The following NCALD variants were observed in gnomAD, a reference collection of about 807,000 sequenced individuals.
The protein encoded by NCALD is neurocalcin-delta.
NCALD carries 10 observed loss-of-function variants against 18.6 expected under a neutral mutation model. That is an observed-to-expected ratio of 0.54 (90% CI 0.33 to 0.91). The LOEUF (loss-of-function observed/expected upper bound fraction) is 0.91, where lower values mean the gene tolerates loss of function less well. Among genes scored for constraint, NCALD ranks in the 40% least tolerant of loss-of-function variants. The probability of loss-of-function intolerance (pLI) is 0.03; values close to 1 mark genes in which losing one functional copy is unlikely to be tolerated. For missense variants in NCALD, 184 were observed against 247.6 expected (o/e 0.74, Z 1.72); for synonymous variants, 88 against 87.4 (o/e 1.01, Z -0.04).
intron 4 of NCALD, among the ~76,000 whole-genome samples, chr8:101,851,663 C>T (rs1362597934): frequency 6.6e-6 from 1 of 152,138 alleles, no homozygotes; most frequent in African/African-American, 2.4e-5. Flanking sequence ...AGACTGCAAA[C>T]ACCCATTAGT....
chr8:102,104,585 G>A (rs112962723), intron 1 of NCALD, among the ~76,000 whole-genome samples: 269 of 152,268 alleles, frequency 1.8e-3, no homozygotes, highest in Non-Finnish European at 3.1e-3. Flanking sequence ...GAATCAGCCT[G>A]TGGTCCAGTC....
At chr8:101,801,691 G>A (rs529793724) in intron 4 of NCALD, among the ~76,000 whole-genome samples, 1 of 85,860 alleles carries the variant, frequency 1.2e-5, no homozygotes, top group Admixed American at 2.0e-4. Context: ...TTTTGAGACG[G>A]AATCTCCCTC....
At chr8:101,813,843 C>A (rs997209355) in intron 4 of NCALD, among the ~76,000 whole-genome samples, 3 of 152,102 alleles carry the variant, frequency 2.0e-5, no homozygotes, top group African/African-American at 7.2e-5. Flanking sequence ...TGTCCATATA[C>A]ATAAAAGACC....
chr8:102,097,481 C>T (rs1156866700), intron 1 of NCALD, among the ~76,000 whole-genome samples: 1 of 152,182 alleles, frequency 6.6e-6, no homozygotes, highest in Non-Finnish European at 1.5e-5. Context: ...TGCTGTGTGG[C>T]TTGCTCTGTG....
intron 4 of NCALD, among the ~76,000 whole-genome samples, chr8:101,821,572 T>A (rs993446942): frequency 3.3e-5 from 5 of 152,156 alleles, no homozygotes; most frequent in African/African-American, 1.2e-4. Flanking sequence ...TACACATTTG[T>A]TGAGCCTCTC....
chr8:101,779,390 C>T (rs1275203996), intron 1 of NCALD, among the ~76,000 whole-genome samples: 1 of 152,020 alleles, frequency 6.6e-6, no homozygotes, highest in East Asian at 1.9e-4. Flanking sequence ...CTATGACATG[C>T]CACATATGTA....
intron 4 of NCALD, among the ~76,000 whole-genome samples, chr8:101,839,187 T>G (rs1397398515): frequency 6.6e-6 from 1 of 152,154 alleles, no homozygotes; most frequent in Non-Finnish European, 1.5e-5. Flanking sequence ...ACCACTGGAA[T>G]TCCACACCCG....
At chr8:102,043,494 G>A (rs947317804) in intron 1 of NCALD, among the ~76,000 whole-genome samples, 1 of 151,700 alleles carries the variant, frequency 6.6e-6, no homozygotes, top group Admixed American at 6.6e-5. Flanking sequence ...GCAAAATGCT[G>A]TAACATAAAG....
chr8:101,840,834 C>T (rs948725543), intron 4 of NCALD, among the ~76,000 whole-genome samples: 2 of 152,144 alleles, frequency 1.3e-5, no homozygotes, highest in African/African-American at 4.8e-5. Context: ...TATGGCAAAA[C>T]ATCAAGATAA....
intron 1 of NCALD, among the ~76,000 whole-genome samples, chr8:102,031,378 G>GGCA (rs1822664722): frequency 6.6e-6 from 1 of 152,174 alleles, no homozygotes; most frequent in Non-Finnish European, 1.5e-5. Context: ...TGCATAGCTG[G>GGCA]GCAACTGATA....
At chr8:102,052,303 G>A (rs569381005) in intron 1 of NCALD, among the ~76,000 whole-genome samples, 9 of 152,260 alleles carry the variant, frequency 5.9e-5, no homozygotes, top group African/African-American at 2.2e-4. Context: ...GAAATCCAAA[G>A]GAAAAACCCT....
intron 1 of NCALD, among the ~76,000 whole-genome samples, chr8:102,048,526 A>T (rs1823325326): frequency 6.6e-6 from 1 of 152,180 alleles, no homozygotes; most frequent in Admixed American, 6.5e-5. Context: ...AGAGTAAATA[A>T]CACAAGAGGC....
intron 2 of NCALD, among the ~76,000 whole-genome samples, chr8:102,000,936 C>T (rs1821433112): frequency 6.6e-6 from 1 of 152,182 alleles, no homozygotes; most frequent in Non-Finnish European, 1.5e-5. Context: ...AGAAACAGAG[C>T]AGAAAAACTG....
rs188827162 is a variant in NCALD at position 102,001,708 on chromosome 8, T to C, written c.-157+18529A>G. 4.3e-3 allele frequency among the ~76,000 whole-genome samples: 655 copies of C among 152,010 alleles called. 3 individuals carry two copies. Among genetic ancestry groups the C allele is most frequent in the African/African-American group, 0.015 (619 of 41,476 alleles). On this transcript the variant is annotated intron_variant, in intron 2 of 6. Coordinates refer to the NCALD transcript ENST00000311028. ...AGAAACTCTACAAGCCAGAAGAGAGTGGGGGTCAATATTCGACATTCTTAA... is the reference window on the plus strand; with the variant it reads ...AGAAACTCTACAAGCCAGAAGAGAGCGGGGGTCAATATTCGACATTCTTAA...
chr8:101,982,668 G>A (rs1057207166), intron 2 of NCALD, among the ~76,000 whole-genome samples: 8 of 151,908 alleles, frequency 5.3e-5, no homozygotes, highest in African/African-American at 1.5e-4. Flanking sequence ...GTGAAACTCC[G>A]TCTCCACCAA....
At chr8:101,987,219 CCTTT>C (rs1188493303) in intron 2 of NCALD, among the ~76,000 whole-genome samples, 1 of 152,188 alleles carries the variant, frequency 6.6e-6, no homozygotes, top group Non-Finnish European at 1.5e-5. Flanking sequence ...GCGACTATTG[CCTTT>C]TCTCAACATG....
chr8:101,951,870 C>A (rs1191888558), intron 2 of NCALD, among the ~76,000 whole-genome samples: 1 of 152,138 alleles, frequency 6.6e-6, no homozygotes, highest in Non-Finnish European at 1.5e-5. Flanking sequence ...GACCAAGTGG[C>A]CAGCACCCTC....
intron 4 of NCALD, among the ~76,000 whole-genome samples, chr8:101,802,490 G>A (rs1812906768): frequency 6.6e-6 from 1 of 151,980 alleles, no homozygotes; most frequent in Non-Finnish European, 1.5e-5. Context: ...TGAAAACTAA[G>A]CCTCTTGTGC....
chr8:102,094,660 C>G (rs2132387859), intron 1 of NCALD, among the ~76,000 whole-genome samples: 1 of 152,338 alleles, frequency 6.6e-6, no homozygotes, highest in Admixed American at 6.5e-5. Flanking sequence ...GTCCTAACCT[C>G]TAGTACCTGT....
Sources: allele counts gnomAD v4.1 joint callset (sites outside exome capture counted in the v4.1 genomes callset), GRCh38; gene constraint gnomAD v4.1.1; transcripts MANE v1.5; gene names NCBI Gene and HGNC (gene_info 2026-07-23, HGNC 2026-07-21).